CCBE1: variants seen among roughly 807,000 people sequenced by gnomAD.
CCBE1 encodes collagen and calcium-binding EGF domain-containing protein 1.
A neutral mutation model predicts 50.0 loss-of-function variants in CCBE1; 37 were observed. The observed-to-expected ratio is 0.74, with a 90% CI of 0.57 to 0.97. The LOEUF (loss-of-function observed/expected upper bound fraction) is 0.97, where lower values mean the gene tolerates loss of function less well. Ranked by LOEUF, CCBE1 falls within the 50% of genes least tolerant of loss-of-function variation. CCBE1 has a pLI of 0.00. For synonymous variants in CCBE1, 234 were observed against 203.7 expected, an observed-to-expected ratio of 1.15 and a Z score of -1.27; for missense variants, 538 against 523.8, an observed-to-expected ratio of 1.03 and a Z score of -0.26.
Position 59,469,591 on chromosome 18 carries a change from G to A in CCBE1, c.282C>T (p.Ala94=), listed in dbSNP as rs201917831. ...QCIPEDYDVC[A]EAPCEQQCTD... Reference sequence around the variant, plus strand: ...TGCACTGCTGTTCACAGGGAGCCTCGGCACAAACGTCGTAATCTGAAAAAG... The same window carrying A: ...TGCACTGCTGTTCACAGGGAGCCTCAGCACAAACGTCGTAATCTGAAAAAG... Residue 94 remains alanine (A), a synonymous_variant, in exon 4 of 11, where the codon GCC becomes GCT. Coordinates refer to ENST00000439986, the MANE Select transcript of CCBE1 (RefSeq NM_133459.4). 46 of 1,614,110 alleles carry A rather than the reference G, an allele frequency of 2.8e-5. 1 individual carries two copies. In the Admixed American group the frequency reaches 5.7e-4, roughly 20 times the overall value.
chr18:59,681,637 C>G (rs1049075784), intron 2 of CCBE1, among the ~76,000 whole-genome samples: 3 of 152,230 alleles, frequency 2.0e-5, no homozygotes, highest in Admixed American at 1.3e-4. Flanking sequence ...GCCCTTAACA[C>G]TTTGATGGGC....
chr18:59,520,352 T>C (rs1156420770), intron 2 of CCBE1, among the ~76,000 whole-genome samples: 1 of 152,284 alleles, frequency 6.6e-6, no homozygotes, highest in African/African-American at 2.4e-5. Flanking sequence ...TCCTTAAGCA[T>C]TGGTTTGTAG....
intron 10 of CCBE1, 63 bp from the exon 11 acceptor site, chr18:59,436,204 T>C (rs1249842234): frequency 7.1e-7 from 1 of 1,416,112 alleles, no homozygotes; most frequent in Non-Finnish European, 1.0e-6. Flanking sequence ...CGGGGCTCCA[T>C]GACTTGACCT....
intron 2 of CCBE1, among the ~76,000 whole-genome samples, chr18:59,545,715 T>C (rs1027506674): frequency 1.3e-5 from 2 of 152,230 alleles, no homozygotes; most frequent in Non-Finnish European, 2.9e-5. Flanking sequence ...ATTTGAATCA[T>C]GAGGGCAGTT....
intron 2 of CCBE1, among the ~76,000 whole-genome samples, chr18:59,608,066 G>A (rs531528723): frequency 2.0e-5 from 3 of 152,312 alleles, no homozygotes; most frequent in Admixed American, 1.3e-4. Flanking sequence ...GTTGCAGTGA[G>A]CTGAGATCGT....
At chr18:59,625,356 G>A (rs1044875526) in intron 2 of CCBE1, among the ~76,000 whole-genome samples, 3 of 151,058 alleles carry the variant, frequency 2.0e-5, no homozygotes, top group South Asian at 2.1e-4. Flanking sequence ...GTGTGAATCC[G>A]GGAGGCGGAG....
intron 9 of CCBE1, 71 bp from the exon 10 acceptor site, chr18:59,438,217 A>C (rs1189499067): frequency 3.1e-5 from 40 of 1,270,940 alleles, no homozygotes; most frequent in East Asian, 2.3e-4. Flanking sequence ...CTATTTATAC[A>C]CCCACCATAA....
chr18:59,573,534 T>G (rs1200674862), intron 2 of CCBE1, among the ~76,000 whole-genome samples: 1 of 151,904 alleles, frequency 6.6e-6, no homozygotes, highest in East Asian at 1.9e-4. Flanking sequence ...AACTTCTCTG[T>G]TTCTCTGAGG....
chr18:59,585,042 C>T (rs569732285), intron 2 of CCBE1, among the ~76,000 whole-genome samples: 20 of 152,218 alleles, frequency 1.3e-4, no homozygotes, highest in Admixed American at 4.6e-4. Flanking sequence ...GCTTGCAAGA[C>T]GCACCATGGC....
chr18:59,593,539 A>T (rs1033938719), intron 2 of CCBE1, among the ~76,000 whole-genome samples: 1 of 152,240 alleles, frequency 6.6e-6, no homozygotes, highest in African/African-American at 2.4e-5. Context: ...TAGCACAGAC[A>T]ATGAAAATAC....
intron 2 of CCBE1, among the ~76,000 whole-genome samples, chr18:59,671,499 GAAA>G (rs56009778): frequency 0.13 from 16,079 of 121,052 alleles, 2,376 homozygotes; most frequent in African/African-American, 0.37. Context: ...CCTTGTCTCA[GAAA>G]AAAAAAAAAA....
chr18:59,503,330 G>GA (rs1239831241), intron 2 of CCBE1, among the ~76,000 whole-genome samples: 1 of 150,784 alleles, frequency 6.6e-6, no homozygotes, highest in Non-Finnish European at 1.5e-5. Context: ...TCAACCTGCC[G>GA]AGTGCTCTGA....
At position 59,438,143 on chromosome 18, in the gene CCBE1, C is replaced by T; in HGVS notation, c.955G>A (p.Glu319Lys). The change falls in exon 10 of 11, where the codon GAG becomes AAG. Residue 319 changes from glutamate (E) to lysine (K), a missense_variant. Coordinates refer to ENST00000439986, the MANE Select transcript of CCBE1 (RefSeq NM_133459.4). The stretch of plus-strand genomic sequence containing the variant: ...CCTCTGGGCCCAGGCGCTCCTCTCT[C>T]CCCCTAAAAACAGAAAGGCCAGGGT... Reference protein sequence around the residue: ...GAPGRDGSKGERGAPGPRGSP... With the variant: ...GAPGRDGSKGKRGAPGPRGSP... 6.2e-7 allele frequency: 1 copy of T among 1,614,114 alleles called. No homozygotes were observed. Among genetic ancestry groups the T allele is most frequent in the Non-Finnish European group, 8.5e-7 (1 of 1,180,006 alleles).
chr18:59,595,683 G>A lies in CCBE1; in HGVS notation c.212+100946C>T, dbSNP rs142170199. ...TCAAATAACTTTAAAAGGTAAACAT[G>A]TATGAATATAGTGTTAATTATCTGC... On this transcript the variant is annotated intron_variant, in intron 2 of 10. Coordinates refer to ENST00000439986, the MANE Select transcript of CCBE1 (RefSeq NM_133459.4). Among the ~76,000 whole-genome samples, 1,090 of 152,326 alleles carry A rather than the reference G, an allele frequency of 7.2e-3. 14 individuals carry two copies. Among genetic ancestry groups the A allele is most frequent in the African/African-American group, 0.025 (1,031 of 41,566 alleles).
At position 59,697,415 on chromosome 18, in the gene CCBE1, G is replaced by T. The variant is rs2144764236; in HGVS notation, c.-73C>A. On this transcript the variant is annotated 5_prime_UTR_variant, in exon 1 of 11. Coordinates refer to ENST00000439986, the MANE Select transcript of CCBE1 (RefSeq NM_133459.4). ...AGCGTCCTGCTCCTCCGCGGCCGCC[G>T]CCGCCTTCCCTCTTCCCGGCAGGGG... The T allele has an allele frequency of 2.0e-6, 3 of 1,505,454 alleles. No individual in the cohort carries two copies. The highest frequency in any genetic ancestry group is 2.5e-5 in the East Asian group (1 of 40,194). The allele number at this position is 1,505,454 out of a possible 1,614,324, so 93.3% of individuals were successfully genotyped here. A position where few individuals can be genotyped will look rare whatever the true frequency, so the allele number is the denominator to read the frequency against.
chr18:59,526,825 G>A (rs972936528), intron 2 of CCBE1, among the ~76,000 whole-genome samples: 3 of 152,172 alleles, frequency 2.0e-5, no homozygotes, highest in Admixed American at 6.5e-5. Flanking sequence ...GGTTTTGAGT[G>A]AGTTTCTTAC....
At chr18:59,612,815 GTTTT>G (rs796066639) in intron 2 of CCBE1, among the ~76,000 whole-genome samples, 2 of 114,938 alleles carry the variant, frequency 1.7e-5, no homozygotes, top group African/African-American at 3.1e-5. Context: ...AATCTCAAGG[GTTTT>G]TTTTTTGTTT....
chr18:59,436,673 A>G (rs542277851), intron 10 of CCBE1, among the ~76,000 whole-genome samples: 1 of 152,360 alleles, frequency 6.6e-6, no homozygotes, highest in Admixed American at 6.5e-5. Flanking sequence ...ATACGTATTC[A>G]AAAATGTTAT....
chr18:59,653,065 C>T (rs1435013266), intron 2 of CCBE1, among the ~76,000 whole-genome samples: 1 of 152,188 alleles, frequency 6.6e-6, no homozygotes, highest in Admixed American at 6.5e-5. Flanking sequence ...GGCATTGGAC[C>T]GTTCTAAACA....
Sources: gnomAD v4.1 joint callset for allele counts (sites outside exome capture counted in the v4.1 genomes callset) on GRCh38, gnomAD v4.1.1 for gene constraint, MANE v1.5 for transcripts, NCBI Gene and HGNC (gene_info 2026-07-23, HGNC 2026-07-21) for gene names.